Variants in SEMA3A observed in about 807,000 individuals in gnomAD.
SEMA3A encodes semaphorin 3A, also known as semaphorin-3A.
A neutral mutation model predicts 97.9 loss-of-function variants in SEMA3A; 29 were observed. That is an observed-to-expected ratio of 0.30 (90% CI 0.22 to 0.40). The LOEUF (loss-of-function observed/expected upper bound fraction) is 0.40. Ranked by LOEUF, SEMA3A falls within the 10% of genes least tolerant of loss-of-function variation. The pLI, the probability that SEMA3A is intolerant of heterozygous loss-of-function variation, is 1.00. For synonymous variants in SEMA3A, 321 were observed against 323.7 expected (o/e 0.99, Z 0.09); for missense variants, 763 against 951.3 (o/e 0.80, Z 2.60).
chr7:84,280,758 G>A (rs957176435), intron 3 of SEMA3A, among the ~76,000 whole-genome samples: 3 of 152,072 alleles, frequency 2.0e-5, no homozygotes, highest in Non-Finnish European at 4.4e-5. Flanking sequence ...CAGCCTGGGT[G>A]ACAAAGTGAG....
chr7:83,980,438 C>A (rs981267211), intron 14 of SEMA3A, among the ~76,000 whole-genome samples: 3 of 150,882 alleles, frequency 2.0e-5, no homozygotes, highest in African/African-American at 2.4e-5. Context: ...AACCCTGTGT[C>A]TACTAAAAAT....
intron 3 of SEMA3A, among the ~76,000 whole-genome samples, chr7:84,238,246 T>C (rs1056560853): frequency 6.6e-6 from 1 of 152,024 alleles, no homozygotes; most frequent in Admixed American, 6.6e-5. Context: ...TTTGTATTTT[T>C]AGTAGAGACA....
At chr7:83,984,430 C>T (rs1789544703) in intron 13 of SEMA3A, among the ~76,000 whole-genome samples, 1 of 152,030 alleles carries the variant, frequency 6.6e-6, no homozygotes, top group African/African-American at 2.4e-5. Flanking sequence ...AGGATATACA[C>T]TGAATTTTAC....
intron 2 of SEMA3A, 29 bp downstream of exon 2, chr7:84,134,765 C>A: frequency 6.7e-7 from 1 of 1,493,588 alleles, no homozygotes; most frequent in African/African-American, 1.4e-5. Context: ...TTCAAAATAA[C>A]TATAGTGCAT....
chr7:84,079,593 T>C (rs28497496), intron 4 of SEMA3A, among the ~76,000 whole-genome samples: 62,153 of 150,452 alleles, frequency 0.41, 15,147 homozygotes, highest in African/African-American at 0.69. Context: ...CCAACAGACA[T>C]ATGAAAAAAT....
intron 1 of SEMA3A, among the ~76,000 whole-genome samples, chr7:84,447,930 A>C (rs1011336569): frequency 6.6e-6 from 1 of 152,186 alleles, no homozygotes; most frequent in African/African-American, 2.4e-5. Context: ...ACAGTTGCCC[A>C]CAGCAGAATC....
At chr7:84,334,032 T>C (rs2115959158) in intron 2 of SEMA3A, among the ~76,000 whole-genome samples, 1 of 152,278 alleles carries the variant, frequency 6.6e-6, no homozygotes, top group South Asian at 2.1e-4. Context: ...TTCATTTTCT[T>C]ACAATTGACT....
chr7:84,459,467 G>A (rs1372655517), intron 1 of SEMA3A, among the ~76,000 whole-genome samples: 1 of 152,118 alleles, frequency 6.6e-6, no homozygotes, highest in East Asian at 1.9e-4. Flanking sequence ...ACAATAACTT[G>A]TAATCTTTGT....
chr7:84,318,667 T>A (rs1002583930), intron 2 of SEMA3A, among the ~76,000 whole-genome samples: 1 of 152,182 alleles, frequency 6.6e-6, no homozygotes, highest in Non-Finnish European at 1.5e-5. Context: ...ACAGAGCTGA[T>A]GGATCAGTGG....
intron 13 of SEMA3A, among the ~76,000 whole-genome samples, 192 bp from the exon 14 acceptor site, chr7:83,981,670 T>A (rs1202068186): frequency 6.6e-6 from 1 of 152,186 alleles, no homozygotes; most frequent in Non-Finnish European, 1.5e-5. Flanking sequence ...AAGAGCAAGT[T>A]CTAAATATTT....
At chr7:84,396,156 A>C (rs1803725890) in intron 1 of SEMA3A, among the ~76,000 whole-genome samples, 1 of 152,104 alleles carries the variant, frequency 6.6e-6, no homozygotes, top group Non-Finnish European at 1.5e-5. Context: ...AATAGGTGAA[A>C]GGCAATAATT....
chr7:84,409,042 A>T (rs913735537), intron 1 of SEMA3A, among the ~76,000 whole-genome samples: 1 of 149,474 alleles, frequency 6.7e-6, no homozygotes, highest in African/African-American at 2.4e-5. Context: ...CTTAAAGTAT[A>T]ATAATAATAA....
In SEMA3A at chr7:84,095,358, C is replaced by CATAT. The variant is rs200107086; in HGVS notation, c.453+15108_453+15111dup. ...ATATATATTTTATATTTTTTATATA[C>CATAT]ATATATATATATATATATATATATA... is the stretch of plus-strand genomic sequence containing the variant. On this transcript the variant is annotated intron_variant, in intron 4 of 16. Transcript: ENST00000265362. 4.7e-3 allele frequency among the ~76,000 whole-genome samples: 582 copies of CATAT among 122,832 alleles called. 4 individuals are homozygous for CATAT. The highest frequency in any genetic ancestry group is 9.6e-3 in the Middle Eastern group (2 of 208). 80.6% of individuals were successfully genotyped at this position (122,832 alleles called of 152,430 possible). A position where few individuals can be genotyped will look rare whatever the true frequency, so the allele number is the denominator to read the frequency against.
intron 12 of SEMA3A, among the ~76,000 whole-genome samples, chr7:83,999,350 C>A (rs1790345894): frequency 6.6e-6 from 1 of 151,522 alleles, no homozygotes; most frequent in Admixed American, 6.6e-5. Flanking sequence ...ACTTAAAATC[C>A]CTGGAGATAT....
chr7:84,322,796 A>G (rs1801681117), intron 2 of SEMA3A, among the ~76,000 whole-genome samples: 1 of 152,232 alleles, frequency 6.6e-6, no homozygotes, highest in Non-Finnish European at 1.5e-5. Context: ...ATAGTATTTG[A>G]GGATTTAAAA....
At chr7:84,321,067 C>G (rs1313575070) in intron 2 of SEMA3A, among the ~76,000 whole-genome samples, 1 of 152,042 alleles carries the variant, frequency 6.6e-6, no homozygotes, top group Admixed American at 6.6e-5. Flanking sequence ...TTGATAATAA[C>G]AAGTTTGATT....
chr7:84,323,796 T>C (rs1295137960), intron 2 of SEMA3A, among the ~76,000 whole-genome samples: 1 of 152,200 alleles, frequency 6.6e-6, no homozygotes, highest in Non-Finnish European at 1.5e-5. Flanking sequence ...AGAATTTTAT[T>C]TTTTAATTTA....
chr7:84,250,162 T>G (rs1181659542), intron 3 of SEMA3A, among the ~76,000 whole-genome samples: 5 of 151,910 alleles, frequency 3.3e-5, no homozygotes, highest in Non-Finnish European at 7.4e-5. Flanking sequence ...AATTAATGTA[T>G]AGAAACATAT....
intron 1 of SEMA3A, among the ~76,000 whole-genome samples, chr7:84,424,491 T>C (rs1804692835): frequency 9.4e-6 from 1 of 106,594 alleles, no homozygotes; most frequent in African/African-American, 3.8e-5. Context: ...TATATTGATA[T>C]ATAATATATA....
Sources: gnomAD v4.1 joint callset for allele counts (sites outside exome capture counted in the v4.1 genomes callset) on GRCh38, gnomAD v4.1.1 for gene constraint, MANE v1.5 for transcripts, NCBI Gene and HGNC (gene_info 2026-07-23, HGNC 2026-07-21) for gene names.